CAMK1D: variants seen among roughly 807,000 people sequenced by gnomAD.
The protein encoded by CAMK1D is calcium/calmodulin dependent protein kinase ID.
CAMK1D carries 9 observed loss-of-function variants against 47.7 expected under a neutral mutation model. The ratio of observed to expected loss-of-function variants is 0.19; its 90% CI spans 0.11 to 0.33. The LOEUF (loss-of-function observed/expected upper bound fraction) is 0.33, where lower values mean the gene tolerates loss of function less well. Among genes scored for constraint, CAMK1D ranks in the 10% least tolerant of loss-of-function variants. The probability of loss-of-function intolerance (pLI) is 1.00; values close to 1 mark genes in which losing one functional copy is unlikely to be tolerated. For missense variants in CAMK1D, 291 were observed against 488.7 expected (o/e 0.60, Z 3.81); for synonymous variants, 184 against 184.9 (o/e 0.99, Z 0.04).
At chr10:12,444,502 G>A (rs1832874780) in intron 1 of CAMK1D, among the ~76,000 whole-genome samples, 1 of 152,200 alleles carries the variant, frequency 6.6e-6, no homozygotes, top group South Asian at 2.1e-4. Flanking sequence ...CTGTGAACAT[G>A]TGCCCAAGGT....
intron 8 of CAMK1D, among the ~76,000 whole-genome samples, chr10:12,817,401 C>T (rs1832842558): frequency 6.6e-6 from 1 of 152,134 alleles, no homozygotes; most frequent in African/African-American, 2.4e-5. Flanking sequence ...GTTTCTTCAA[C>T]TCGAGAGGGA....
chr10:12,503,060 A>G (rs1211133664), intron 1 of CAMK1D, among the ~76,000 whole-genome samples: 3 of 152,164 alleles, frequency 2.0e-5, no homozygotes, highest in Non-Finnish European at 4.4e-5. Flanking sequence ...ATACTTGTGT[A>G]TACGTGTATG....
At chr10:12,443,924 C>G (rs1391442308) in intron 1 of CAMK1D, among the ~76,000 whole-genome samples, 1 of 152,190 alleles carries the variant, frequency 6.6e-6, no homozygotes, top group Non-Finnish European at 1.5e-5. Flanking sequence ...GCCACTGTGC[C>G]CAGCCTGGTT....
rs140693396 is a variant in CAMK1D, at chr10:12,401,959, G to A, written c.92+52049G>A. ...CACCCAGGCTGGAGTACAGTGGCGCGATCTCCGCTCATTGCAACCTCCGCC... is the reference window on the plus strand; with the variant it reads ...CACCCAGGCTGGAGTACAGTGGCGCAATCTCCGCTCATTGCAACCTCCGCC... On this transcript the variant is annotated intron_variant, in intron 1 of 10. Transcript: ENST00000619168. Among the ~76,000 whole-genome samples the A allele has an allele frequency of 4.4e-3, 674 of 151,740 alleles. 12 individuals are homozygous for A. In the East Asian group the frequency reaches 0.064, roughly 14 times the overall value.
rs182591745 is a variant in CAMK1D at position 12,665,905 on chromosome 10, C to T, written c.225-831C>T. Among the ~76,000 whole-genome samples, 312 of 152,382 alleles carry T rather than the reference C, an allele frequency of 2.0e-3. 1 individual carries two copies. In the Middle Eastern group the frequency reaches 0.034, roughly 17 times the overall value. On this transcript the variant is annotated intron_variant, in intron 2 of 10. Coordinates refer to ENST00000619168, the MANE Select transcript of CAMK1D (RefSeq NM_153498.4). ...AGTGGGGCCAGACCCCCAGGCGATT[C>T]ATCTGCACGTTGAAGTTTGAGCAGC...
At chr10:12,662,078 G>A (rs1564474483) in intron 2 of CAMK1D, among the ~76,000 whole-genome samples, 2 of 152,136 alleles carry the variant, frequency 1.3e-5, no homozygotes, top group African/African-American at 4.8e-5. Flanking sequence ...TTAACGTCAT[G>A]GTTATCTTGA....
At chr10:12,675,030 C>CAAAAAAAA (rs771350871) in intron 3 of CAMK1D, among the ~76,000 whole-genome samples, 2 of 53,234 alleles carry the variant, frequency 3.8e-5, no homozygotes, top group Admixed American at 2.0e-4. Flanking sequence ...GACTCCATCT[C>CAAAAAAAA]AAAAAAAAAA....
chr10:12,493,209 A>C (rs1475584594), intron 1 of CAMK1D, among the ~76,000 whole-genome samples: 2 of 152,082 alleles, frequency 1.3e-5, no homozygotes, highest in Non-Finnish European at 2.9e-5. Flanking sequence ...GTCCTATAAG[A>C]AGTGGTGTTG....
At chr10:12,672,747 T>G (rs1162128023) in intron 3 of CAMK1D, among the ~76,000 whole-genome samples, 1 of 152,128 alleles carries the variant, frequency 6.6e-6, no homozygotes, top group Non-Finnish European at 1.5e-5. Flanking sequence ...ATGACAATAT[T>G]CATTTTTGTC....
intron 1 of CAMK1D, among the ~76,000 whole-genome samples, chr10:12,467,933 C>T (rs1833639717): frequency 6.6e-6 from 1 of 151,958 alleles, no homozygotes; most frequent in Admixed American, 6.6e-5. Context: ...GCCTGCATAC[C>T]CTTTATCCAG....
intron 2 of CAMK1D, among the ~76,000 whole-genome samples, chr10:12,651,566 A>ATT (rs796578968): frequency 1.4e-5 from 2 of 145,284 alleles, no homozygotes; most frequent in African/African-American, 5.1e-5. Flanking sequence ...TAATTTTTGT[A>ATT]TTTTTTTTTT....
At chr10:12,734,495 T>C (rs1487231226) in intron 3 of CAMK1D, among the ~76,000 whole-genome samples, 1 of 142,036 alleles carries the variant, frequency 7.0e-6, no homozygotes, top group Admixed American at 7.1e-5. Flanking sequence ...CATATGTATA[T>C]ATATACACAC....
chr10:12,520,116 G>C (rs61847441), intron 1 of CAMK1D, among the ~76,000 whole-genome samples: 40 of 73,534 alleles, frequency 5.4e-4, no homozygotes, highest in African/African-American at 8.2e-4. Flanking sequence ...CGGGCGGAGA[G>C]GCTCCTCACT....
intron 1 of CAMK1D, among the ~76,000 whole-genome samples, chr10:12,548,810 T>A (rs548765535): frequency 1.4e-4 from 22 of 151,742 alleles, no homozygotes; most frequent in African/African-American, 5.1e-4. Context: ...ATCAACTACA[T>A]TCACATTGTT....
At chr10:12,677,217 T>A (rs904532585) in intron 3 of CAMK1D, among the ~76,000 whole-genome samples, 7 of 152,176 alleles carry the variant, frequency 4.6e-5, no homozygotes, top group African/African-American at 1.4e-4. Flanking sequence ...ATAGTCTGTG[T>A]TCCCAGAAAC....
intron 2 of CAMK1D, among the ~76,000 whole-genome samples, chr10:12,559,679 C>G (rs1221607262): frequency 6.6e-6 from 1 of 152,156 alleles, no homozygotes; most frequent in African/African-American, 2.4e-5. Context: ...AGTCCATCAT[C>G]CCATCATTGA....
At chr10:12,546,029 C>T (rs140795553) in intron 1 of CAMK1D, among the ~76,000 whole-genome samples, 125 of 152,062 alleles carry the variant, frequency 8.2e-4, no homozygotes, top group African/African-American at 2.9e-3. Context: ...GATGAGCCTG[C>T]GAAGTTGGGG....
At chr10:12,606,716 CCT>C (rs1838471980) in intron 2 of CAMK1D, among the ~76,000 whole-genome samples, 1 of 152,196 alleles carries the variant, frequency 6.6e-6, no homozygotes, top group Non-Finnish European at 1.5e-5. Flanking sequence ...CTGTATGTGC[CCT>C]TTAATCACTC....
intron 3 of CAMK1D, among the ~76,000 whole-genome samples, chr10:12,709,291 A>G (rs1833846397): frequency 6.6e-6 from 1 of 152,154 alleles, no homozygotes. Flanking sequence ...TGGCTGAGAA[A>G]ATGTGAGGAG....
Sources: allele counts gnomAD v4.1 joint callset (sites outside exome capture counted in the v4.1 genomes callset), GRCh38; gene constraint gnomAD v4.1.1; transcripts MANE v1.5; gene names NCBI Gene and HGNC (gene_info 2026-07-23, HGNC 2026-07-21).